The following ADAMTSL1 variants were observed in gnomAD, a reference collection of about 807,000 sequenced individuals.
ADAMTSL1 encodes the protein ADAMTS-like protein 1.
ADAMTSL1 carries 126 observed loss-of-function variants against 201.8 expected under a neutral mutation model. That is an observed-to-expected ratio of 0.62 (90% confidence interval 0.54 to 0.72). ADAMTSL1 has a LOEUF of 0.72. Among genes scored for constraint, ADAMTSL1 ranks in the 30% least tolerant of loss-of-function variants. ADAMTSL1 has a pLI of 0.00. For missense variants in ADAMTSL1, 2,679 were observed against 2,277.8 expected, an observed-to-expected ratio of 1.18 and a Z score of -3.59; for synonymous variants, 1,121 against 903.4, an observed-to-expected ratio of 1.24 and a Z score of -4.32.
At chr9:17,958,714 C>T (rs986298230) in intron 1 of ADAMTSL1, among the ~76,000 whole-genome samples, 1 of 152,108 alleles carries the variant, frequency 6.6e-6, no homozygotes, top group Non-Finnish European at 1.5e-5. Flanking sequence ...CAAACCCAAA[C>T]CCGTATTTCT....
At chr9:18,872,763 G>A (rs531508151) in intron 23 of ADAMTSL1, among the ~76,000 whole-genome samples, 21 of 152,198 alleles carry the variant, frequency 1.4e-4, no homozygotes, top group African/African-American at 4.3e-4. Context: ...GGCTGGTTCC[G>A]TATTTTGCAG....
intron 15 of ADAMTSL1, among the ~76,000 whole-genome samples, chr9:18,747,026 A>G (rs1443201592): frequency 6.6e-6 from 1 of 152,132 alleles, no homozygotes; most frequent in Non-Finnish European, 1.5e-5. Flanking sequence ...TGTTTCTATT[A>G]TTTAGAAATA....
intron 3 of ADAMTSL1, among the ~76,000 whole-genome samples, chr9:18,551,822 C>G (rs771873820): frequency 6.6e-6 from 1 of 151,740 alleles, no homozygotes; most frequent in Non-Finnish European, 1.5e-5. Flanking sequence ...TCTTTCTTCT[C>G]GAATAGTTGT....
intron 1 of ADAMTSL1, among the ~76,000 whole-genome samples, chr9:18,477,358 T>G (rs559150019): frequency 6.6e-6 from 1 of 152,342 alleles, no homozygotes; most frequent in African/African-American, 2.4e-5. Context: ...AAAGTACATG[T>G]GTTTTCCTGT....
chr9:18,906,863 G>A lies in ADAMTSL1; in HGVS notation c.5133G>A (p.Gly1711=), dbSNP rs766111769. The change falls in exon 28 of 29, where the codon GGG becomes GGA. Residue 1711 remains glycine (G), a synonymous_variant. Transcript: ENST00000380548. ...TGCCTGAGCACCTGTGCTCCTGGGG[G>A]CCCCGGCCTGCCAACTGGCAGCGCT... The part of the protein sequence containing the change: ...KAVPEHLCSW[G]PRPANWQRCN... The A allele has an allele frequency of 1.2e-6, 2 of 1,613,990 alleles. No homozygotes were observed. The highest frequency in any genetic ancestry group is 1.7e-6 in the Non-Finnish European group (2 of 1,179,882).
At chr9:18,045,374 A>T (rs1052862461) in intron 1 of ADAMTSL1, among the ~76,000 whole-genome samples, 6 of 152,262 alleles carry the variant, frequency 3.9e-5, no homozygotes, top group Middle Eastern at 3.4e-3. Context: ...TGGGAGCACC[A>T]ATAATTGTGG....
intron 1 of ADAMTSL1, among the ~76,000 whole-genome samples, chr9:18,141,938 G>A (rs1826414359): frequency 6.6e-6 from 1 of 152,220 alleles, no homozygotes; most frequent in Non-Finnish European, 1.5e-5. Flanking sequence ...TGAGACACAA[G>A]GATAGCAGTA....
At position 18,845,759 on chromosome 9, in the gene ADAMTSL1, T is replaced by C. The variant is rs1161998299; in HGVS notation, c.4249+15782T>C. 3.9e-5 allele frequency among the ~76,000 whole-genome samples: 6 copies of C among 152,340 alleles called. No homozygotes were observed. In the East Asian group the frequency reaches 1.2e-3, roughly 29 times the overall value. On this transcript the variant is annotated intron_variant, in intron 23 of 28. Coordinates refer to ENST00000380548, the MANE Select transcript of ADAMTSL1 (RefSeq NM_001040272.6). ...ATCTCATGCAAAAAGGTGAAGGAATTACTTCTTTCTCCAACACTGAGGTTA... is the reference window on the plus strand; with the variant it reads ...ATCTCATGCAAAAAGGTGAAGGAATCACTTCTTTCTCCAACACTGAGGTTA...
At chr9:18,597,294 T>C (rs1824331614) in intron 4 of ADAMTSL1, among the ~76,000 whole-genome samples, 1 of 152,224 alleles carries the variant, frequency 6.6e-6, no homozygotes, top group African/African-American at 2.4e-5. Context: ...AATTTTGCTG[T>C]ATTCTAGGCT....
chr9:18,077,863 C>G (rs80287027), intron 1 of ADAMTSL1, among the ~76,000 whole-genome samples: 5,707 of 152,110 alleles, frequency 0.038, 331 homozygotes, highest in African/African-American at 0.13. Context: ...GCCTTTTATG[C>G]AGGAGTTGTC....
chr9:18,380,875 C>T (rs577662610), intron 2 of ADAMTSL1, among the ~76,000 whole-genome samples: 4 of 152,246 alleles, frequency 2.6e-5, no homozygotes, highest in South Asian at 4.2e-4. Flanking sequence ...TGTTACAAAA[C>T]GCAGGGAGAG....
At chr9:18,831,816 A>G (rs774973672) in intron 23 of ADAMTSL1, among the ~76,000 whole-genome samples, 33 of 152,328 alleles carry the variant, frequency 2.2e-4, no homozygotes, top group Non-Finnish European at 3.5e-4. Context: ...CTATAGAACT[A>G]GGAGACTCAC....
chr9:18,282,108 C>T (rs574910655), intron 2 of ADAMTSL1, among the ~76,000 whole-genome samples: 18 of 152,276 alleles, frequency 1.2e-4, no homozygotes, highest in Admixed American at 3.3e-4. Context: ...ATCCTTCCCC[C>T]GCTTTTAGAT....
intron 24 of ADAMTSL1, among the ~76,000 whole-genome samples, chr9:18,888,751 T>C (rs1160726478): frequency 6.6e-6 from 1 of 152,096 alleles, no homozygotes; most frequent in African/African-American, 2.4e-5. Context: ...AAGGATGTGA[T>C]GGGAAGGGAC....
intron 26 of ADAMTSL1, among the ~76,000 whole-genome samples, chr9:18,897,797 C>G (rs934564972): frequency 6.6e-6 from 1 of 152,176 alleles, no homozygotes; most frequent in Non-Finnish European, 1.5e-5. Flanking sequence ...TGCCTCTTCT[C>G]CTCTAAATGA....
chr9:18,246,559 T>A (rs1037509976), intron 2 of ADAMTSL1, among the ~76,000 whole-genome samples: 6 of 152,198 alleles, frequency 3.9e-5, no homozygotes, highest in Admixed American at 1.3e-4. Flanking sequence ...CCAAAAAGAC[T>A]TTACCTATAT....
intron 1 of ADAMTSL1, among the ~76,000 whole-genome samples, chr9:18,162,486 AC>A (rs778759298): frequency 6.6e-6 from 1 of 151,974 alleles, no homozygotes; most frequent in East Asian, 1.9e-4. Flanking sequence ...TCTTTTTACT[AC>A]CATCAGTCAT....
intron 3 of ADAMTSL1, among the ~76,000 whole-genome samples, chr9:18,553,060 T>C: frequency 6.6e-6 from 1 of 151,746 alleles, no homozygotes; most frequent in Middle Eastern, 3.4e-3. Flanking sequence ...TTTTTACTTT[T>C]ATAATATTTG....
chr9:18,740,401 G>T (rs753021193), intron 15 of ADAMTSL1, among the ~76,000 whole-genome samples: 1 of 149,884 alleles, frequency 6.7e-6, no homozygotes, highest in Admixed American at 6.6e-5. Context: ...GAGAAGAGAG[G>T]AGCAAGAACT....
Sources: gnomAD v4.1 joint callset for allele counts (sites outside exome capture counted in the v4.1 genomes callset) on GRCh38, gnomAD v4.1.1 for gene constraint, MANE v1.5 for transcripts, NCBI Gene and HGNC (gene_info 2026-07-23, HGNC 2026-07-21) for gene names.